The following TMEM116 variants were observed in gnomAD, a reference collection of about 807,000 sequenced individuals.
The protein encoded by TMEM116 is transmembrane protein 116.
A neutral mutation model predicts 44.3 loss-of-function variants in TMEM116; 38 were observed. The ratio of observed to expected loss-of-function variants is 0.86; its 90% CI spans 0.66 to 1.12. The LOEUF is 1.12. Ranked by LOEUF, TMEM116 falls within the 50% of genes most tolerant of loss-of-function variation. TMEM116 has a pLI of 0.00. For missense variants in TMEM116, 354 were observed against 401.7 expected, an observed-to-expected ratio of 0.88 and a Z score of 1.01; for synonymous variants, 132 against 144.8, an observed-to-expected ratio of 0.91 and a Z score of 0.64.
chr12:112,005,618 T>G (rs1343323425), intron 1 of TMEM116: 1 of 875,372 alleles, frequency 1.1e-6, no homozygotes, highest in African/African-American at 1.8e-5. Context: ...TCCCGACACT[T>G]TGAGAGGCTG....
At chr12:112,009,477 A>C (rs1240754735) in intron 1 of TMEM116, among the ~76,000 whole-genome samples, 2 of 151,860 alleles carry the variant, frequency 1.3e-5, no homozygotes, top group Non-Finnish European at 2.9e-5. Context: ...AATTGTCCAA[A>C]AGATGTGTTT....
intron 4 of TMEM116, among the ~76,000 whole-genome samples, chr12:111,958,277 TAAAAAAAAAAAAAAAAAAA>T (rs61637468): frequency 3.6e-5 from 1 of 27,494 alleles, no homozygotes; most frequent in Non-Finnish European, 9.0e-5. Context: ...CAATAAATAC[TAAAAAAAAAAAAAAAAAAA>T]AAAAAAAAAA....
At chr12:112,006,007 G>A (rs2077564454) in intron 1 of TMEM116, 1 of 985,648 alleles carries the variant, frequency 1.0e-6, no homozygotes, top group Non-Finnish European at 1.2e-6. Context: ...AGGGACTTCA[G>A]TCCCAGCTAC....
In TMEM116 at chr12:111,931,670, G is replaced by T; in HGVS notation, c.965C>A (p.Ser322Ter). The change falls in exon 11 of 11, where the codon TCA (serine) becomes TAA (stop). Residue 322 changes from serine to a stop codon, truncating the protein, a stop_gained. Coordinates refer to ENST00000552374, the MANE Select transcript of TMEM116 (RefSeq NM_001193531.2). LOFTEE classifies it high-confidence loss of function. ...AGGAAAAGTCAGGGTGGATTCCAGT[G>T]AATTTAAGCCCCTGCTATAGAATCT... Reference protein sequence around the residue: ...QKRFYSRGLNSLESTLTFPAS... With the variant: ...QKRFYSRGLN The T allele has an allele frequency of 6.2e-6, 10 of 1,614,164 alleles. No individual in the cohort carries two copies. The highest frequency in any genetic ancestry group is 8.5e-6 in the Non-Finnish European group (10 of 1,180,028).
At chr12:111,988,704 C>A (rs1158866497) in intron 4 of TMEM116, among the ~76,000 whole-genome samples, 10 of 132,822 alleles carry the variant, frequency 7.5e-5, no homozygotes, top group African/African-American at 2.9e-4. Flanking sequence ...TCTCAAAAAA[C>A]GAACAGGCCG....
intron 3 of TMEM116, chr12:111,993,635 T>C (rs11544647): frequency 3.5e-6 from 2 of 566,518 alleles, no homozygotes; most frequent in South Asian, 1.6e-5. Flanking sequence ...TACAAAGGGG[T>C]TGCTCCTCTC....
At chr12:111,978,639 A>G in intron 4 of TMEM116, 1 of 247,166 alleles carries the variant, frequency 4.0e-6, no homozygotes, top group Non-Finnish European at 8.5e-6. Flanking sequence ...TGCCCTTATA[A>G]AAAGACATGA....
chr12:111,989,234 A>C (rs2076404229), intron 4 of TMEM116, among the ~76,000 whole-genome samples: 1 of 152,186 alleles, frequency 6.6e-6, no homozygotes, highest in Non-Finnish European at 1.5e-5. Flanking sequence ...AGTTTTGCTC[A>C]AGCATGTACC....
chr12:111,934,158 C>T (rs1269571816), intron 8 of TMEM116, 128 bp from the exon 9 acceptor site: 6 of 1,119,926 alleles, frequency 5.4e-6, no homozygotes, highest in Non-Finnish European at 6.1e-6. Context: ...ATTCTCTTGT[C>T]TTTACTTTCT....
At chr12:111,958,277 T>TAAAAAAAAA (rs61637468) in intron 4 of TMEM116, among the ~76,000 whole-genome samples, 8 of 27,518 alleles carry the variant, frequency 2.9e-4, no homozygotes, top group Non-Finnish European at 4.5e-4. Context: ...CAATAAATAC[T>TAAAAAAAAA]AAAAAAAAAA....
At chr12:112,003,749 G>C (rs1409856412) in intron 3 of TMEM116, 51 bp downstream of exon 3, 7 of 1,487,196 alleles carry the variant, frequency 4.7e-6, no homozygotes, top group Non-Finnish European at 6.2e-6. Context: ...ATTTGTTTCA[G>C]AGACTAGGTC....
intron 7 of TMEM116, 123 bp from the exon 8 acceptor site, chr12:111,936,953 C>T (rs1212109922): frequency 2.7e-6 from 3 of 1,117,242 alleles, no homozygotes; most frequent in Non-Finnish European, 3.8e-6. Flanking sequence ...AAAACCTTGT[C>T]TCTCCCCCAC....
At position 111,943,376 on chromosome 12, in the gene TMEM116, T is replaced by A. The variant is rs1396836231; in HGVS notation, c.211-7A>T. The A allele has an allele frequency of 8.8e-6, 14 of 1,598,058 alleles. No homozygotes were observed. In the African/African-American group the frequency reaches 1.6e-4, roughly 18 times the overall value. On this transcript the variant is annotated splice_polypyrimidine_tract_variant and splice_region_variant and intron_variant, in intron 4 of 10. Coordinates refer to ENST00000552374, the MANE Select transcript of TMEM116 (RefSeq NM_001193531.2). ...ATGAGGAAATGTAGAATATCTAGGT[T>A]AAAATCAAAACAACCCATCATAACT... is the stretch of plus-strand genomic sequence containing the variant.
rs2072350099 is a variant in TMEM116, at chr12:111,938,383, C to T, written c.316-173G>A. Among the ~76,000 whole-genome samples, 4 of 152,088 alleles carry T rather than the reference C, an allele frequency of 2.6e-5. No individual in the cohort carries two copies. The South Asian group carries it at 8.3e-4, about 32-fold the overall frequency. ...TCAAATAGATAGTTCCTTATTAGCA[C>T]TGTATATAATAGAATTTTATCTCTA... is the stretch of plus-strand genomic sequence containing the variant. On this transcript the variant is annotated intron_variant, in intron 5 of 10. Coordinates refer to ENST00000552374, the MANE Select transcript of TMEM116 (RefSeq NM_001193531.2).
intron 9 of TMEM116, among the ~76,000 whole-genome samples, chr12:111,932,989 C>T (rs1435510547): frequency 6.6e-6 from 1 of 152,124 alleles, no homozygotes; most frequent in Non-Finnish European, 1.5e-5. Flanking sequence ...GCCTACAATC[C>T]CAGCACTTTG....
chr12:111,983,050 C>T (rs1470180812), intron 4 of TMEM116, among the ~76,000 whole-genome samples: 1 of 151,940 alleles, frequency 6.6e-6, no homozygotes, highest in Non-Finnish European at 1.5e-5. Flanking sequence ...TGGGATTACA[C>T]TTTGGGAGGC....
chr12:112,005,652 A>G lies in TMEM116; in HGVS notation c.-33-349T>C, dbSNP rs1263075424. 3 of 974,246 alleles carry G rather than the reference A, an allele frequency of 3.1e-6. No individual in the cohort carries two copies. The East Asian group carries it at 3.2e-4, about 104-fold the overall frequency. The allele number at this position is 974,246 out of a possible 1,614,324, so 60.4% of individuals were successfully genotyped here. A position where few individuals can be genotyped will look rare whatever the true frequency, so the allele number is the denominator to read the frequency against. On this transcript the variant is annotated intron_variant, in intron 1 of 10. Coordinates refer to ENST00000552374, the MANE Select transcript of TMEM116 (RefSeq NM_001193531.2). Reference sequence around the variant, plus strand: ...TGAGGTAAGACGATCACTTGAGGCCAGGAGTTTAAGAAAAAAGAAACCTGG... The same window carrying G: ...TGAGGTAAGACGATCACTTGAGGCCGGGAGTTTAAGAAAAAAGAAACCTGG...
At chr12:111,972,406 C>A (rs1165818793) in intron 4 of TMEM116, among the ~76,000 whole-genome samples, 1 of 152,180 alleles carries the variant, frequency 6.6e-6, no homozygotes, top group African/African-American at 2.4e-5. Context: ...CAATACTCCT[C>A]ACTCACTAAT....
rs756046371 is a variant in TMEM116, at chr12:111,999,751, T to TA, written c.78+4048dup. On this transcript the variant is annotated intron_variant, in intron 3 of 10. Coordinates refer to ENST00000552374, the MANE Select transcript of TMEM116 (RefSeq NM_001193531.2). ...CAATCCCACAAGATGATTTGAGACA[T>TA]AAAAAAATAAATAAAAGACAACCTA... 3.9e-5 allele frequency among the ~76,000 whole-genome samples: 6 copies of TA among 152,158 alleles called. 1 individual carries two copies. In the South Asian group the frequency reaches 1.2e-3, roughly 32 times the overall value.
Sources: allele counts gnomAD v4.1 joint callset (sites outside exome capture counted in the v4.1 genomes callset), GRCh38; gene constraint gnomAD v4.1.1; transcripts MANE v1.5; gene names NCBI Gene and HGNC (gene_info 2026-07-23, HGNC 2026-07-21).